LACTBL1: variants seen among roughly 807,000 people sequenced by gnomAD.
LACTBL1 encodes the protein lactamase beta like 1.
LACTBL1 carries 29 observed loss-of-function variants against 39.6 expected under a neutral mutation model. The observed-to-expected ratio is 0.73, with a 90% CI of 0.55 to 1.00. LACTBL1 has a LOEUF of 1.00. Ranked by LOEUF, LACTBL1 falls within the 50% of genes least tolerant of loss-of-function variation. The pLI is 0.00. For synonymous variants in LACTBL1, 361 were observed against 360.7 expected, an observed-to-expected ratio of 1.00 and a Z score of -0.01; for missense variants, 711 against 748.5, an observed-to-expected ratio of 0.95 and a Z score of 0.59.
chr1:22,967,567 T>TAC (rs149065665), upstream of LACTBL1, among the ~76,000 whole-genome samples: 22,465 of 148,396 alleles, frequency 0.15, 1,758 homozygotes, highest in Middle Eastern at 0.3. Context: ...TCCATATATA[T>TAC]ACACACACAC....
chr1:22,966,933 A>G (rs534778920), upstream of LACTBL1, among the ~76,000 whole-genome samples: 32 of 152,230 alleles, frequency 2.1e-4, no homozygotes, highest in Middle Eastern at 3.4e-3. Context: ...AAAATATTTC[A>G]AGCTTACTGA....
intron 1 of LACTBL1, among the ~76,000 whole-genome samples, chr1:22,963,936 C>T (rs2124237283): frequency 6.6e-6 from 1 of 152,224 alleles, no homozygotes; most frequent in African/African-American, 2.4e-5. Flanking sequence ...ACCATAAATT[C>T]TTGAGACAGA....
chr1:22,958,857 G>T (rs888938267), exon 4 of LACTBL1: 1 of 1,550,552 alleles, frequency 6.4e-7, no homozygotes, highest in Non-Finnish European at 8.7e-7. Context: ...GGGAGGCCAC[G>T]ATGCCCTCCT....
chr1:22,964,612 C>T (rs1249482913), intron 1 of LACTBL1, among the ~76,000 whole-genome samples: 4 of 152,204 alleles, frequency 2.6e-5, no homozygotes, highest in African/African-American at 4.8e-5. Flanking sequence ...AGATAACTGA[C>T]GCAGACCCAA....
intron 2 of LACTBL1, among the ~76,000 whole-genome samples, chr1:22,960,844 A>G (rs1357144469): frequency 1.3e-5 from 2 of 152,126 alleles, no homozygotes; most frequent in African/African-American, 2.4e-5. Context: ...CAGTGGCTCA[A>G]GCACAGCTCA....
At chr1:22,959,404 G>A (rs1640795044) in intron 3 of LACTBL1, among the ~76,000 whole-genome samples, 1 of 152,228 alleles carries the variant, frequency 6.6e-6, no homozygotes, top group African/African-American at 2.4e-5. Flanking sequence ...GCACAAAGCA[G>A]GTGCAATTTA....
chr1:22,971,342 T>C, the LACTBL1 span, among the ~76,000 whole-genome samples: 1 of 151,938 alleles, frequency 6.6e-6, no homozygotes, highest in Non-Finnish European at 1.5e-5. Context: ...CGAAGATGGG[T>C]CAGTATTTAA....
intron 5 of LACTBL1, 150 bp downstream of exon 7, chr1:22,955,171 C>G: frequency 5.0e-6 from 3 of 594,094 alleles, no homozygotes; most frequent in South Asian, 4.3e-5. Context: ...TGCTGGCCTC[C>G]CCTCTCTAGG....
At chr1:22,954,131 C>T in intron 5 of LACTBL1, 107 bp from the exon 8 acceptor site, 1 of 1,442,346 alleles carries the variant, frequency 6.9e-7, no homozygotes, top group Non-Finnish European at 9.1e-7. Flanking sequence ...AAGGAACCTG[C>T]TCCCCTGCAT....
upstream of LACTBL1, chr1:22,965,561 A>T (rs1282614626): frequency 2.0e-5 from 6 of 299,066 alleles, no homozygotes; most frequent in Admixed American, 3.9e-4. Context: ...TAAATTTCAC[A>T]GTTGTGAAAC....
chr1:22,963,132 G>A lies in LACTBL1; in HGVS notation c.134C>T (p.Pro45Leu), dbSNP rs1008509649. 1.3e-5 allele frequency: 17 copies of A among 1,289,104 alleles called. No individual in the cohort carries two copies. In the South Asian group the frequency reaches 2.8e-4, roughly 21 times the overall value. 79.9% of individuals were successfully genotyped at this position (1,289,104 alleles called of 1,614,324 possible). A position where few individuals can be genotyped will look rare whatever the true frequency, so the allele number is the denominator to read the frequency against. Residue 45 changes from proline to leucine, a missense_variant, in exon 2 of 6, where the codon CCC becomes CTC. Pro to Leu is a moderately conservative substitution (Grantham distance 98). Transcript: ENST00000426928. ...CTTTTCCAGGGCCTCCTTCAACACGGGGAGTGGGTGAGCCAGGGGCACGGG... is the reference window on the plus strand; with the variant it reads ...CTTTTCCAGGGCCTCCTTCAACACGAGGAGTGGGTGAGCCAGGGGCACGGG...
chr1:22,972,614 G>C, the LACTBL1 span, among the ~76,000 whole-genome samples: 1 of 152,062 alleles, frequency 6.6e-6, no homozygotes, highest in African/African-American at 2.4e-5. Flanking sequence ...CTTGATTTTA[G>C]CACTGAAAGT....
chr1:22,964,063 A>G (rs974139631), intron 1 of LACTBL1, among the ~76,000 whole-genome samples: 5 of 152,068 alleles, frequency 3.3e-5, no homozygotes, highest in Non-Finnish European at 7.4e-5. Context: ...CAGCCTCCCG[A>G]GTAGCTGGGA....
intron 5 of LACTBL1, among the ~76,000 whole-genome samples, chr1:22,954,782 A>G (rs1640744404): frequency 6.6e-6 from 1 of 152,196 alleles, no homozygotes; most frequent in African/African-American, 2.4e-5. Context: ...CATTTGGAGA[A>G]GCAGAGGGAC....
the LACTBL1 span, among the ~76,000 whole-genome samples, chr1:22,971,643 G>A: frequency 1.3e-5 from 2 of 152,176 alleles, no homozygotes; most frequent in Non-Finnish European, 2.9e-5. Flanking sequence ...AGGGCTTGCT[G>A]TGCTCTGGGC....
At chr1:22,954,575 C>G (rs1640743177) in intron 5 of LACTBL1, among the ~76,000 whole-genome samples, 1 of 152,170 alleles carries the variant, frequency 6.6e-6, no homozygotes, top group Non-Finnish European at 1.5e-5. Context: ...AACTCTGGGC[C>G]AACTTCCTTA....
chr1:22,959,996 T>C (rs1640803587), exon 3 of LACTBL1: 1 of 1,551,026 alleles, frequency 6.4e-7, no homozygotes. Context: ...GCCATTCTTC[T>C]TCCCAAAGTT....
intron 1 of LACTBL1, 125 bp downstream of exon 3, chr1:22,965,165 G>C (rs1446277109): frequency 9.8e-6 from 8 of 817,294 alleles, no homozygotes; most frequent in Non-Finnish European, 1.3e-5. Flanking sequence ...TCAGAATGGA[G>C]TCCAGAGCTT....
intron 2 of LACTBL1, 68 bp from the exon 5 acceptor site, chr1:22,960,167 C>T: frequency 1.3e-6 from 2 of 1,519,306 alleles, no homozygotes; most frequent in Non-Finnish European, 1.8e-6. Context: ...ATCTGCAAAG[C>T]CACCCTCGTC....
Sources: allele counts gnomAD v4.1 joint callset (sites outside exome capture counted in the v4.1 genomes callset), GRCh38; gene constraint gnomAD v4.1.1; transcripts MANE v1.5; gene names NCBI Gene and HGNC (gene_info 2026-07-23, HGNC 2026-07-21).